The following TET3 variants were observed in gnomAD, a reference collection of about 807,000 sequenced individuals.
TET3 encodes tet methylcytosine dioxygenase 3.
TET3 carries 19 observed loss-of-function variants against 141.4 expected under a neutral mutation model. That is an observed-to-expected ratio of 0.13 (90% confidence interval 0.09 to 0.20). The LOEUF is 0.20. Ranked by LOEUF, TET3 falls within the 10% of genes least tolerant of loss-of-function variation. The pLI is 1.00. For missense variants in TET3, 1,874 were observed against 2,356.9 expected, an observed-to-expected ratio of 0.80 and a Z score of 4.24; for synonymous variants, 1,043 against 980.9, an observed-to-expected ratio of 1.06 and a Z score of -1.18.
the TET3 span, among the ~76,000 whole-genome samples, chr2:74,120,295 C>T: frequency 6.6e-6 from 1 of 152,248 alleles, no homozygotes. Flanking sequence ...ACGGCCTCCA[C>T]GGCGGCAGGG....
the TET3 span, chr2:74,134,522 G>GA: frequency 2.9e-6 from 1 of 350,320 alleles, no homozygotes; most frequent in South Asian, 2.1e-5. Flanking sequence ...GGTACCTTCA[G>GA]AACCAATAGT....
chr2:74,002,987 C>A, intron 2 of TET3, 123 bp from the exon 3 acceptor site: 2 of 1,039,932 alleles, frequency 1.9e-6, no homozygotes, highest in Non-Finnish European at 2.9e-6. Context: ...CCTTTCTTTC[C>A]CAGGCTGTAT....
chr2:74,126,623 T>A, the TET3 span, among the ~76,000 whole-genome samples: 1 of 151,632 alleles, frequency 6.6e-6, no homozygotes, highest in South Asian at 2.1e-4. Context: ...TGCCTCAGTG[T>A]CCCACGTAGC....
chr2:74,123,004 AT>A, the TET3 span: 1 of 152,024 alleles, frequency 6.6e-6, no homozygotes, highest in African/African-American at 2.4e-5. Flanking sequence ...TTGATAATGA[AT>A]TTGATAAGGA....
intron 3 of TET3, among the ~76,000 whole-genome samples, chr2:74,008,774 GA>G (rs1685275334): frequency 6.6e-6 from 1 of 152,112 alleles, no homozygotes; most frequent in South Asian, 2.1e-4. Flanking sequence ...GGGGTGGGGG[GA>G]GGTAACAGTA....
chr2:74,129,812 G>A, the TET3 span, among the ~76,000 whole-genome samples: 1 of 151,988 alleles, frequency 6.6e-6, no homozygotes, highest in Admixed American at 6.6e-5. Context: ...ATTGGCTTTA[G>A]GCCAGGTGCA....
the TET3 span, among the ~76,000 whole-genome samples, chr2:74,118,243 C>G: frequency 0.23 from 35,524 of 151,284 alleles, 4,557 homozygotes; most frequent in East Asian, 0.37. Flanking sequence ...ACCATGGCAC[C>G]CACACGTAGT....
Position 74,101,882 on chromosome 2 carries a change from C to A in TET3, c.5094C>A (p.Asn1698Lys), listed in dbSNP as rs1255317566. 1 of 1,613,372 alleles carries A rather than the reference C, an allele frequency of 6.2e-7. No homozygotes were observed. The highest frequency in any genetic ancestry group is 1.1e-5 in the South Asian group (1 of 91,090). ...RISLVFYQHKNLNQPNHGLAL... is the reference protein window; with the variant it reads ...RISLVFYQHKKLNQPNHGLAL... ...CGCTGGTCTTCTACCAGCACAAGAA[C>A]CTCAACCAGCCCAACCACGGGCTGG... Residue 1698 changes from asparagine to lysine, a missense_variant, in exon 12 of 12, where the codon AAC becomes AAA. Asn to Lys is a moderately conservative substitution (Grantham distance 94). Around this residue, in one of 10 missense-constraint regions of TET3, gnomAD observed 41 missense variants for 116.8 expected, o/e 0.35. Transcript: ENST00000409262. The surrounding 1 kb of genome is among the most constrained non-coding windows in gnomAD (Gnocchi z 8.5).
At chr2:74,132,980 C>T in the TET3 span, among the ~76,000 whole-genome samples, 4 of 152,144 alleles carry the variant, frequency 2.6e-5, no homozygotes, top group African/African-American at 9.6e-5. Flanking sequence ...TCACTGAAGC[C>T]TCTGCTTCCC....
intron 4 of TET3, among the ~76,000 whole-genome samples, chr2:74,061,742 G>A (rs1558759237): frequency 6.8e-6 from 1 of 146,918 alleles, no homozygotes; most frequent in Non-Finnish European, 1.5e-5. Flanking sequence ...CTTCTCAGAC[G>A]GGGCGGCCGG....
At chr2:74,015,137 A>G (rs1685661475) in intron 3 of TET3, among the ~76,000 whole-genome samples, 1 of 152,184 alleles carries the variant, frequency 6.6e-6, no homozygotes, top group Non-Finnish European at 1.5e-5. Flanking sequence ...CCAAGGGAGA[A>G]GGTGCAGTGC....
At chr2:74,055,071 A>AT (rs1310646006) in intron 4 of TET3, among the ~76,000 whole-genome samples, 4 of 151,756 alleles carry the variant, frequency 2.6e-5, no homozygotes, top group Non-Finnish European at 5.9e-5. Context: ...AATTTTTTAA[A>AT]TTTTTTGTAG....
intron 3 of TET3, among the ~76,000 whole-genome samples, chr2:74,019,074 C>T (rs1420346690): frequency 6.6e-6 from 1 of 152,002 alleles, no homozygotes; most frequent in Non-Finnish European, 1.5e-5. Flanking sequence ...TAGTGAGACC[C>T]CCCGCCAACC....
intron 2 of TET3, among the ~76,000 whole-genome samples, chr2:73,989,208 C>T (rs527632218): frequency 6.6e-6 from 1 of 151,952 alleles, no homozygotes; most frequent in Non-Finnish European, 1.5e-5. Context: ...TCTTAGCAGC[C>T]GTGTGGCAGA....
chr2:73,997,924 C>G lies in TET3; in HGVS notation c.304-5186C>G, dbSNP rs538722119. Among the ~76,000 whole-genome samples the G allele has an allele frequency of 6.6e-5, 10 of 152,296 alleles. No individual in the cohort carries two copies. The East Asian group carries it at 1.9e-3, about 29-fold the overall frequency. On this transcript the variant is annotated intron_variant, in intron 2 of 11. Coordinates refer to ENST00000409262, the MANE Select transcript of TET3 (RefSeq NM_001287491.2). The stretch of plus-strand genomic sequence containing the variant: ...GAGGGCAGAGACTGGCCTTAGTCAC[C>G]TTTGGGCCCATAGAGGCCAGCCAGG...
chr2:74,020,919 C>T (rs1686004828), intron 3 of TET3, among the ~76,000 whole-genome samples: 1 of 152,182 alleles, frequency 6.6e-6, no homozygotes, highest in African/African-American at 2.4e-5. Context: ...TCATTTATCC[C>T]GTGGTCTGTG....
intron 4 of TET3, among the ~76,000 whole-genome samples, chr2:74,073,112 G>T (rs917058015): frequency 2.0e-5 from 3 of 152,198 alleles, no homozygotes; most frequent in Non-Finnish European, 4.4e-5. Context: ...TATTTACCCA[G>T]GAGGGCTTCT....
chr2:74,057,157 T>A (rs887198790), intron 4 of TET3, among the ~76,000 whole-genome samples: 2 of 152,186 alleles, frequency 1.3e-5, no homozygotes, highest in Non-Finnish European at 2.9e-5. Context: ...AGAAAAAATA[T>A]ATGCTGAACC....
At position 74,048,137 on chromosome 2, in the gene TET3, A is replaced by G. The variant is rs1377576967; in HGVS notation, c.2220A>G (p.Thr740=). ...VPIQDPENQQ[T]CLPAPESPFA... ...TTCAGGACCCCGAGAACCAGCAAAC[A>G]TGTCTCCCAGCCCCTGAGAGCCCCT... The change falls in exon 4 of 12, where the codon ACA becomes ACG. Residue 740 remains threonine, a synonymous_variant. Coordinates refer to ENST00000409262, the MANE Select transcript of TET3 (RefSeq NM_001287491.2). 6.2e-7 allele frequency: 1 copy of G among 1,612,978 alleles called. No individual in the cohort carries two copies. Among genetic ancestry groups the G allele is most frequent in the Non-Finnish European group, 8.5e-7 (1 of 1,179,508 alleles).
Sources: allele counts gnomAD v4.1 joint callset (sites outside exome capture counted in the v4.1 genomes callset), GRCh38; gene constraint gnomAD v4.1.1; regional missense constraint gnomAD v4.1.1; non-coding constraint Gnocchi (gnomAD v3.1); transcripts MANE v1.5; gene names NCBI Gene and HGNC (gene_info 2026-07-23, HGNC 2026-07-21).